The following UBAC2 variants were observed in gnomAD, a reference collection of about 807,000 sequenced individuals.
UBAC2 encodes the protein UBA domain containing 2.
A neutral mutation model predicts 44.0 loss-of-function variants in UBAC2; 26 were observed. The observed-to-expected ratio is 0.59, with a 90% CI of 0.43 to 0.82. UBAC2 has a LOEUF of 0.82. UBAC2 is among the 40% of genes least tolerant of loss of function. The pLI is 0.00. For synonymous variants in UBAC2, 155 were observed against 154.3 expected (o/e 1.00, Z -0.04); for missense variants, 329 against 419.4 (o/e 0.78, Z 1.88).
intron 1 of UBAC2, among the ~76,000 whole-genome samples, chr13:99,216,375 G>A (rs573345213): frequency 6.6e-6 from 1 of 152,300 alleles, no homozygotes; most frequent in South Asian, 2.1e-4. Context: ...AAAGTGCTGG[G>A]ATTACAGGTG....
In UBAC2 at chr13:99,330,469, A is replaced by AAAAAAAAG. The variant is rs1555329962; in HGVS notation, c.562-9847_562-9840dup. 1.3e-5 allele frequency among the ~76,000 whole-genome samples: 2 copies of AAAAAAAAG among 148,850 alleles called. 1 individual carries two copies. Among genetic ancestry groups the AAAAAAAAG allele is most frequent in the Non-Finnish European group, 3.0e-5 (2 of 66,860 alleles). ...GTGAGACGTCATCTCAAAAAAAAAA[A>AAAAAAAAG]AAAAAAAGAAATACAGTTGATTTCT... On this transcript the variant is annotated intron_variant, in intron 6 of 8. Transcript: ENST00000403766.
chr13:99,296,799 C>CA (rs1343762476), intron 4 of UBAC2, among the ~76,000 whole-genome samples: 9 of 151,328 alleles, frequency 5.9e-5, no homozygotes, highest in South Asian at 2.1e-4. Context: ...ACTAAAATGA[C>CA]AAAAAAAGAA....
chr13:99,317,405 C>CA (rs2044507743), intron 5 of UBAC2, among the ~76,000 whole-genome samples: 1 of 152,018 alleles, frequency 6.6e-6, no homozygotes, highest in African/African-American at 2.4e-5. Context: ...ATTTGGAAAA[C>CA]AAAGGGAAGA....
intron 2 of UBAC2, among the ~76,000 whole-genome samples, chr13:99,240,678 A>G (rs1352452161): frequency 4.6e-5 from 7 of 152,118 alleles, no homozygotes; most frequent in Non-Finnish European, 5.9e-5. Context: ...TATGCTGCCT[A>G]AAGTTTCAGT....
chr13:99,250,981 C>T (rs559355678), intron 4 of UBAC2, among the ~76,000 whole-genome samples: 6 of 152,224 alleles, frequency 3.9e-5, no homozygotes, highest in African/African-American at 1.4e-4. Flanking sequence ...GATCTCCTGA[C>T]CTCGTGATCA....
At chr13:99,261,494 A>G (rs1387362061) in intron 4 of UBAC2, among the ~76,000 whole-genome samples, 2 of 152,246 alleles carry the variant, frequency 1.3e-5, no homozygotes, top group Non-Finnish European at 2.9e-5. Flanking sequence ...TAACCCAGTT[A>G]GTATACCTCC....
At chr13:99,363,720 G>C (rs1047112924) in intron 7 of UBAC2, among the ~76,000 whole-genome samples, 4 of 152,200 alleles carry the variant, frequency 2.6e-5, no homozygotes, top group Non-Finnish European at 5.9e-5. Flanking sequence ...CAAGTCACAC[G>C]TATATACACA....
intron 7 of UBAC2, among the ~76,000 whole-genome samples, chr13:99,347,185 T>A (rs1376767090): frequency 2.3e-5 from 3 of 131,388 alleles, no homozygotes; most frequent in African/African-American, 7.7e-5. Context: ...GTCTAGAGAG[T>A]GCAAAGAGGG....
intron 5 of UBAC2, among the ~76,000 whole-genome samples, chr13:99,317,331 A>G (rs1289420605): frequency 6.6e-6 from 1 of 152,192 alleles, no homozygotes; most frequent in Admixed American, 6.5e-5. Context: ...TTGTTGCAGG[A>G]ACACTTTCAG....
intron 6 of UBAC2, among the ~76,000 whole-genome samples, chr13:99,331,714 TG>T (rs2044718317): frequency 6.6e-6 from 1 of 152,216 alleles, no homozygotes; most frequent in Non-Finnish European, 1.5e-5. Context: ...GAAATAACTT[TG>T]GGAATCCCTA....
chr13:99,333,348 G>A (rs1389412800), intron 6 of UBAC2, among the ~76,000 whole-genome samples: 1 of 152,238 alleles, frequency 6.6e-6, no homozygotes, highest in Admixed American at 6.5e-5. Flanking sequence ...TGGCGTGCCA[G>A]TGACATGGAC....
chr13:99,307,760 G>A (rs1176371624), intron 4 of UBAC2, among the ~76,000 whole-genome samples: 1 of 152,138 alleles, frequency 6.6e-6, no homozygotes, highest in African/African-American at 2.4e-5. Flanking sequence ...GCATGTAAAA[G>A]TATGGGTTTT....
At chr13:99,379,765 C>T (rs549199143) in intron 8 of UBAC2, among the ~76,000 whole-genome samples, 6 of 152,372 alleles carry the variant, frequency 3.9e-5, no homozygotes, top group Non-Finnish European at 7.3e-5. Context: ...TAAGACGTTT[C>T]ACACTTACAC....
intron 1 of UBAC2, 144 bp from the exon 2 acceptor site, chr13:99,238,283 G>A (rs937792932): frequency 1.9e-6 from 2 of 1,040,046 alleles, no homozygotes; most frequent in Non-Finnish European, 2.8e-6. Flanking sequence ...TGTTTTGAAA[G>A]TGGATATTAG....
intron 7 of UBAC2, among the ~76,000 whole-genome samples, chr13:99,365,561 G>A (rs1055328065): frequency 6.6e-6 from 1 of 151,644 alleles, no homozygotes; most frequent in South Asian, 2.1e-4. Context: ...AATGTGTGAG[G>A]TTTTTTGTTT....
At chr13:99,328,249 A>C (rs921573280) in intron 6 of UBAC2, among the ~76,000 whole-genome samples, 1 of 152,218 alleles carries the variant, frequency 6.6e-6, no homozygotes, top group Non-Finnish European at 1.5e-5. Context: ...TTGTTTATCC[A>C]TTCACCAATT....
chr13:99,357,676 T>G (rs980965158), intron 7 of UBAC2, among the ~76,000 whole-genome samples: 6 of 152,190 alleles, frequency 3.9e-5, no homozygotes, highest in African/African-American at 4.8e-5. Context: ...TAACTCCTGG[T>G]TCTTGTATTA....
chr13:99,362,133 A>G (rs886575960), intron 7 of UBAC2, among the ~76,000 whole-genome samples: 3 of 152,222 alleles, frequency 2.0e-5, no homozygotes, highest in Non-Finnish European at 2.9e-5. Context: ...GTATATGTAT[A>G]TGTTGTATAT....
chr13:99,275,853 C>A (rs1216531191), intron 4 of UBAC2, among the ~76,000 whole-genome samples: 1 of 152,040 alleles, frequency 6.6e-6, no homozygotes, highest in Non-Finnish European at 1.5e-5. Context: ...TCATAAGGTC[C>A]CCTGGTGAGG....
Sources: allele counts gnomAD v4.1 joint callset (sites outside exome capture counted in the v4.1 genomes callset), GRCh38; gene constraint gnomAD v4.1.1; transcripts MANE v1.5; gene names NCBI Gene and HGNC (gene_info 2026-07-23, HGNC 2026-07-21).